Variants in AS3MT observed in about 807,000 individuals in gnomAD.
AS3MT encodes the protein S-adenosyl-L-methionine:arsenic(III) methyltransferase.
AS3MT carries 47 observed loss-of-function variants against 45.3 expected under a neutral mutation model. The observed-to-expected ratio is 1.04, with a 90% confidence interval of 0.82 to 1.32. The LOEUF (loss-of-function observed/expected upper bound fraction) is 1.32, where lower values mean the gene tolerates loss of function less well. AS3MT is among the 40% of genes most tolerant of loss of function. The pLI is 0.00. For missense variants in AS3MT, 396 were observed against 451.1 expected (o/e 0.88, Z 1.11); for synonymous variants, 141 against 152.8 (o/e 0.92, Z 0.57).
At chr10:102,879,280 T>C (rs1015745764) in intron 9 of AS3MT, among the ~76,000 whole-genome samples, 1 of 152,152 alleles carries the variant, frequency 6.6e-6, no homozygotes, top group African/African-American at 2.4e-5. Flanking sequence ...CACCTCAGGC[T>C]TCTGAGTAGC....
rs891315005 is a variant in AS3MT, at chr10:102,877,462, C to T, written c.610+427C>T. 4.0e-5 allele frequency among the ~76,000 whole-genome samples: 6 copies of T among 148,894 alleles called. No homozygotes were observed. The East Asian group carries it at 1.2e-3, about 29-fold the overall frequency. On this transcript the variant is annotated intron_variant, in intron 7 of 10. Transcript: ENST00000369880. Reference sequence around the variant, plus strand: ...GTTGAGATAAATGCATGCTTTTCATCAGTCTATGAAATCAAAAGTTCTTAT... The same window carrying T: ...GTTGAGATAAATGCATGCTTTTCATTAGTCTATGAAATCAAAAGTTCTTAT...
At chr10:102,887,675 A>G (rs1479460420) in intron 9 of AS3MT, among the ~76,000 whole-genome samples, 1 of 151,590 alleles carries the variant, frequency 6.6e-6, no homozygotes, top group African/African-American at 2.4e-5. Flanking sequence ...TCTTTTTTCC[A>G]CCCCTTAACT....
chr10:102,888,930 G>A (rs1313207109), intron 9 of AS3MT, among the ~76,000 whole-genome samples: 17 of 124,658 alleles, frequency 1.4e-4, no homozygotes, highest in African/African-American at 5.0e-4. Context: ...TCGCTCTGTC[G>A]CCCAGGCTAG....
At chr10:102,872,970 C>A in intron 4 of AS3MT, 127 bp from the exon 5 acceptor site, 1 of 811,660 alleles carries the variant, frequency 1.2e-6, no homozygotes, top group Non-Finnish European at 1.9e-6. Context: ...TACGTGTCCA[C>A]AGGAATCTTG....
intron 10 of AS3MT, among the ~76,000 whole-genome samples, chr10:102,892,305 G>A (rs2134129334): frequency 6.6e-6 from 1 of 152,150 alleles, no homozygotes; most frequent in East Asian, 1.9e-4. Flanking sequence ...AATCCCACTG[G>A]TCCTAATCTG....
Position 102,900,719 on chromosome 10 carries a change from G to T in AS3MT, c.*19G>T. 1.3e-6 allele frequency: 2 copies of T among 1,579,668 alleles called. No homozygotes were observed. The highest frequency in any genetic ancestry group is 1.1e-5 in the South Asian group (1 of 90,378). ...CTGCTAAATCTATAGCCAACCAGGG[G>T]ACCACAGTAGTGGGCAAGAGTGATC... On this transcript the variant is annotated 3_prime_UTR_variant, in exon 11 of 11. Coordinates refer to ENST00000369880, the MANE Select transcript of AS3MT (RefSeq NM_020682.4).
rs1229848697 is a variant in AS3MT at position 102,881,080 on chromosome 10, T to C, written c.885+2089T>C. Among the ~76,000 whole-genome samples the C allele has an allele frequency of 3.3e-5, 5 of 152,356 alleles. No homozygotes were observed. The highest frequency in any genetic ancestry group is 1.2e-4 in the African/African-American group (5 of 41,598). On this transcript the variant is annotated intron_variant, in intron 9 of 10. Transcript: ENST00000369880. This position sits in a 1 kb window ranked among gnomAD's most constrained non-coding sequence, Gnocchi z 4.2. Reference sequence around the variant, plus strand: ...TTTATTCATGTATTCTGCTTTATGATGTTTATCTGAATAATCTGGACAAAT... The same window carrying C: ...TTTATTCATGTATTCTGCTTTATGACGTTTATCTGAATAATCTGGACAAAT...
In AS3MT at chr10:102,900,979, C is replaced by T. The variant is rs941723393; in HGVS notation, c.*279C>T. 1.7e-5 allele frequency: 4 copies of T among 237,570 alleles called. No homozygotes were observed. Among genetic ancestry groups the T allele is most frequent in the Non-Finnish European group, 2.5e-5 (3 of 120,586 alleles). The allele number at this position is 237,570 out of a possible 1,614,324, so 14.7% of individuals were successfully genotyped here. On this transcript the variant is annotated 3_prime_UTR_variant, in exon 11 of 11. Coordinates refer to ENST00000369880, the MANE Select transcript of AS3MT (RefSeq NM_020682.4). ...GTGCACACCTATAGTCTCAGCTACT[C>T]GGGAGGCTGAGGCAGGAGAATTGCT...
intron 5 of AS3MT, among the ~76,000 whole-genome samples, chr10:102,874,278 T>C (rs1009542290): frequency 1.3e-5 from 2 of 150,748 alleles, no homozygotes; most frequent in Non-Finnish European, 3.0e-5. Flanking sequence ...AAGAAAGAAA[T>C]GCCTTGTGCA....
At chr10:102,891,942 C>G (rs1461678515) in intron 10 of AS3MT, among the ~76,000 whole-genome samples, 14 of 89,894 alleles carry the variant, frequency 1.6e-4, no homozygotes, top group African/African-American at 7.0e-4. Context: ...GAGTGAGACT[C>G]TGTCTCAAAA....
intron 10 of AS3MT, among the ~76,000 whole-genome samples, chr10:102,893,252 T>C (rs1845104293): frequency 6.6e-6 from 1 of 151,948 alleles, no homozygotes; most frequent in African/African-American, 2.4e-5. Flanking sequence ...TTGGCTTTTA[T>C]ATTAAGAAAT....
At chr10:102,878,353 G>C (rs199546052) in intron 7 of AS3MT, 26 bp from the exon 8 acceptor site, 1 of 1,609,826 alleles carries the variant, frequency 6.2e-7, no homozygotes, top group Non-Finnish European at 8.5e-7. Flanking sequence ...CTGGTCTGTG[G>C]TTTTTTGTTG....
At chr10:102,874,569 A>G in intron 5 of AS3MT, 23 bp from the exon 6 acceptor site, 1 of 1,549,792 alleles carries the variant, frequency 6.5e-7, no homozygotes, top group Non-Finnish European at 8.8e-7. Context: ...GATTTGCTCG[A>G]CATTTCATCT....
In AS3MT at chr10:102,900,809, C is replaced by A; in HGVS notation, c.*109C>A. Reference sequence around the variant, plus strand: ...ATAAGAAACAACAAATGGGGCCGGGCACAGTGGCTCATGCCTATAATCCCA... The same window carrying A: ...ATAAGAAACAACAAATGGGGCCGGGAACAGTGGCTCATGCCTATAATCCCA... On this transcript the variant is annotated 3_prime_UTR_variant, in exon 11 of 11. Coordinates refer to ENST00000369880, the MANE Select transcript of AS3MT (RefSeq NM_020682.4). The A allele has an allele frequency of 2.4e-6, 2 of 816,714 alleles. No individual in the cohort carries two copies. Among genetic ancestry groups the A allele is most frequent in the Non-Finnish European group, 4.0e-6 (2 of 503,898 alleles). 50.6% of individuals were successfully genotyped at this position (816,714 alleles called of 1,614,324 possible).
Position 102,874,680 on chromosome 10 carries a change from TA to T in AS3MT, c.528+22del. ...GCTGAAGGTGAGGAGGAGAGTGAGATAAATTATCTTTGAACATCAGTAAGAG... is the reference window on the plus strand; with the variant it reads ...GCTGAAGGTGAGGAGGAGAGTGAGATAATTATCTTTGAACATCAGTAAGAG... On this transcript the variant is annotated intron_variant, in intron 6 of 10. Transcript: ENST00000369880. 1 of 1,573,158 alleles carries T rather than the reference TA, an allele frequency of 6.4e-7. No individual in the cohort carries two copies. Among genetic ancestry groups the T allele is most frequent in the Non-Finnish European group, 8.7e-7 (1 of 1,148,324 alleles).
In AS3MT at chr10:102,901,237, A is replaced by C. The variant is rs1464958527; in HGVS notation, c.*537A>C. 2 of 151,934 alleles carry C rather than the reference A, an allele frequency of 1.3e-5. No individual in the cohort carries two copies. Among genetic ancestry groups the C allele is most frequent in the Non-Finnish European group, 2.9e-5 (2 of 68,028 alleles). The allele number at this position is 151,934 out of a possible 1,614,324, so 9.4% of individuals were successfully genotyped here. On this transcript the variant is annotated 3_prime_UTR_variant, in exon 11 of 11. Coordinates refer to ENST00000369880, the MANE Select transcript of AS3MT (RefSeq NM_020682.4). The stretch of plus-strand genomic sequence containing the variant: ...GAGATGGAGTCTCGGTCTGTTGCCC[A>C]GGCTGAAGTGCAGTGGCCCCATCTC...
chr10:102,878,121 A>G (rs529090889), intron 7 of AS3MT, among the ~76,000 whole-genome samples: 3 of 152,190 alleles, frequency 2.0e-5, no homozygotes, highest in East Asian at 1.9e-4. Context: ...TGCATACATG[A>G]ATATTATGCT....
Position 102,890,529 on chromosome 10 carries a change from T to A in AS3MT, c.886-15T>A. ...AGTTGCAACTCTTAGTATTTTTTTT[T>A]ATACTACCCTTTAGGAAGGTGAAAT... On this transcript the variant is annotated splice_polypyrimidine_tract_variant and intron_variant, in intron 9 of 10. Transcript: ENST00000369880. The A allele has an allele frequency of 7.7e-6, 12 of 1,561,316 alleles. No homozygotes were observed. The highest frequency in any genetic ancestry group is 1.0e-5 in the Non-Finnish European group (12 of 1,160,234).
intron 9 of AS3MT, among the ~76,000 whole-genome samples, chr10:102,889,297 C>CT (rs1184865432): frequency 6.6e-6 from 1 of 152,068 alleles, no homozygotes; most frequent in South Asian, 2.1e-4. Context: ...ATGAGTTCCA[C>CT]TTTTTTTAGC....
Sources: allele counts gnomAD v4.1 joint callset (sites outside exome capture counted in the v4.1 genomes callset), GRCh38; gene constraint gnomAD v4.1.1; non-coding constraint Gnocchi (gnomAD v3.1); transcripts MANE v1.5; gene names NCBI Gene and HGNC (gene_info 2026-07-23, HGNC 2026-07-21).